Variants in FAM13A observed in about 807,000 individuals in gnomAD.
FAM13A encodes the protein family with sequence similarity 13 member A, also known as protein FAM13A.
Under a neutral mutation model 129.6 loss-of-function variants are expected in FAM13A, and 76 were observed. The ratio of observed to expected loss-of-function variants is 0.59; its 90% CI spans 0.49 to 0.71. FAM13A has a LOEUF of 0.71. FAM13A is among the 30% of genes least tolerant of loss of function. The pLI, the probability that FAM13A is intolerant of heterozygous loss-of-function variation, is 0.00. For missense variants in FAM13A, 1,108 were observed against 1,249.3 expected, an observed-to-expected ratio of 0.89 and a Z score of 1.70; for synonymous variants, 443 against 449.9, an observed-to-expected ratio of 0.98 and a Z score of 0.20.
At chr4:88,815,531 G>A (rs1730556481) in intron 7 of FAM13A, among the ~76,000 whole-genome samples, 1 of 152,028 alleles carries the variant, frequency 6.6e-6, no homozygotes, top group Non-Finnish European at 1.5e-5. Context: ...TTAAAATGAT[G>A]GTTTAAAATT....
At chr4:89,037,123 C>T (rs1769489246) in intron 1 of FAM13A, among the ~76,000 whole-genome samples, 1 of 152,168 alleles carries the variant, frequency 6.6e-6, no homozygotes, top group African/African-American at 2.4e-5. Flanking sequence ...TCTTCCAAGA[C>T]CCAGAATGGT....
At chr4:88,858,688 G>T (rs1048379839) in intron 6 of FAM13A, among the ~76,000 whole-genome samples, 2 of 152,170 alleles carry the variant, frequency 1.3e-5, no homozygotes, top group African/African-American at 4.8e-5. Flanking sequence ...TCTAGAACAC[G>T]CAAATCCAGA....
intron 23 of FAM13A, chr4:88,729,883 ACAT>A (rs1737276599): frequency 1.3e-5 from 2 of 152,322 alleles, no homozygotes; most frequent in African/African-American, 4.8e-5. Flanking sequence ...ACACGTCAAA[ACAT>A]TAATTCTGAC....
intron 4 of FAM13A, among the ~76,000 whole-genome samples, chr4:88,978,270 A>T (rs1761167282): frequency 6.6e-6 from 1 of 152,194 alleles, no homozygotes; most frequent in Non-Finnish European, 1.5e-5. Flanking sequence ...TACTTTCTAC[A>T]CTTCAGTTTT....
chr4:88,762,794 G>A lies in FAM13A; in HGVS notation c.1579-3893C>T, dbSNP rs191070364. Among the ~76,000 whole-genome samples, 357 of 151,744 alleles carry A rather than the reference G, an allele frequency of 2.4e-3. 2 individuals carry two copies. Among genetic ancestry groups the A allele is most frequent in the African/African-American group, 8.3e-3 (345 of 41,366 alleles). On this transcript the variant is annotated intron_variant, in intron 13 of 23. Transcript: ENST00000264344. ...TCTGTTTCTCCTACTAGATCATTAA[G>A]GTTAAAATGTCAAAAGCATTCTCAA...
chr4:88,738,976 G>A, intron 20 of FAM13A, 54 bp downstream of exon 20: 2 of 1,118,558 alleles, frequency 1.8e-6, no homozygotes, highest in Non-Finnish European at 2.7e-6. Flanking sequence ...ATATATCCAG[G>A]GCCCATTCAA....
In FAM13A at chr4:88,779,374, G is replaced by A. The variant is rs116796385; in HGVS notation, c.1458+1791C>T. On this transcript the variant is annotated intron_variant, in intron 11 of 23. Transcript: ENST00000264344. ...TAAGGGGGAAGTGAAGATACACAAC[G>A]TAACATTCAGGATGTCGTCTTAATA... Among the ~76,000 whole-genome samples the A allele has an allele frequency of 1.6e-4, 25 of 152,258 alleles. 1 individual carries two copies. The East Asian group carries it at 4.6e-3, about 28-fold the overall frequency.
At chr4:88,812,532 C>A (rs1007168145) in intron 7 of FAM13A, among the ~76,000 whole-genome samples, 7 of 152,168 alleles carry the variant, frequency 4.6e-5, no homozygotes, top group Non-Finnish European at 1.0e-4. Context: ...GTTCTTTCTA[C>A]CTTAAATCCT....
At chr4:88,960,498 A>T (rs1447239948) in intron 4 of FAM13A, among the ~76,000 whole-genome samples, 2 of 152,222 alleles carry the variant, frequency 1.3e-5, no homozygotes, top group African/African-American at 4.8e-5. Context: ...CTTCAGTATC[A>T]TCTCCTTCAA....
rs988176287 is a variant in FAM13A at position 88,726,947 on chromosome 4, G to A, written c.*1586C>T. On this transcript the variant is annotated 3_prime_UTR_variant, in exon 24 of 24. Transcript: ENST00000264344. ...CATCCTTAACATTCAGCTGACAGAA[G>A]AGAGCTGCTACCTCACTTCAGCAAT... is the stretch of plus-strand genomic sequence containing the variant. 6.6e-6 allele frequency: 1 copy of A among 152,510 alleles called. No homozygotes were observed. The highest frequency in any genetic ancestry group is 1.9e-4 in the East Asian group (1 of 5,198). 9.4% of individuals were successfully genotyped at this position (152,510 alleles called of 1,614,324 possible).
chr4:88,948,785 GC>G (rs1409712700), intron 4 of FAM13A, among the ~76,000 whole-genome samples: 5 of 152,122 alleles, frequency 3.3e-5, no homozygotes, highest in Non-Finnish European at 7.4e-5. Flanking sequence ...CACCGTGCCA[GC>G]CTGGGCTATA....
At chr4:88,757,598 T>C (rs1294448287) in intron 14 of FAM13A, among the ~76,000 whole-genome samples, 4 of 152,212 alleles carry the variant, frequency 2.6e-5, no homozygotes, top group Admixed American at 2.6e-4. Context: ...AGTGAATACA[T>C]TTTGAGCTGA....
rs894986721 is a variant in FAM13A at position 88,786,303 on chromosome 4, G to A, written c.1271+1450C>T. Reference sequence around the variant, plus strand: ...GTCCAAACAAAGAGGGTGGAAAGCAGGATATCGTGACACACTGAGGATATT... The same window carrying A: ...GTCCAAACAAAGAGGGTGGAAAGCAAGATATCGTGACACACTGAGGATATT... On this transcript the variant is annotated intron_variant, in intron 10 of 23. Coordinates refer to ENST00000264344, the MANE Select transcript of FAM13A (RefSeq NM_014883.4). Among the ~76,000 whole-genome samples the A allele has an allele frequency of 3.2e-4, 48 of 152,246 alleles. 1 individual carries two copies. Among genetic ancestry groups the A allele is most frequent in the South Asian group, 1.5e-3 (7 of 4,818 alleles).
intron 3 of FAM13A, among the ~76,000 whole-genome samples, chr4:89,011,481 G>A (rs1001266029): frequency 2.1e-4 from 32 of 152,158 alleles, no homozygotes; most frequent in Admixed American, 2.1e-3. Context: ...CTCTCTGCAT[G>A]TAGCATCTTC....
intron 18 of FAM13A, 28 bp from the exon 19 acceptor site, chr4:88,747,043 A>T: frequency 6.9e-7 from 1 of 1,445,658 alleles, no homozygotes; most frequent in Non-Finnish European, 9.7e-7. Flanking sequence ...TAGAGAATTG[A>T]AAGAGAGGAA....
At chr4:88,779,690 TC>T (rs1722485898) in intron 11 of FAM13A, among the ~76,000 whole-genome samples, 4 of 152,192 alleles carry the variant, frequency 2.6e-5, no homozygotes, top group Admixed American at 2.0e-4. Flanking sequence ...ATTAGGATCT[TC>T]CATCCCAGTG....
At chr4:88,769,808 C>T (rs970486992) in intron 11 of FAM13A, among the ~76,000 whole-genome samples, 44 of 150,562 alleles carry the variant, frequency 2.9e-4, no homozygotes, top group African/African-American at 7.8e-4. Context: ...TCCAGCCTGG[C>T]GACAGAGCGA....
intron 14 of FAM13A, among the ~76,000 whole-genome samples, chr4:88,756,809 T>C (rs1489753382): frequency 6.6e-6 from 1 of 152,138 alleles, no homozygotes; most frequent in African/African-American, 2.4e-5. Flanking sequence ...ATAATGTAAC[T>C]TGGAAAGTTA....
intron 13 of FAM13A, among the ~76,000 whole-genome samples, chr4:88,766,209 T>C (rs1745683181): frequency 6.6e-6 from 1 of 151,620 alleles, no homozygotes; most frequent in African/African-American, 2.4e-5. Context: ...AGGAGAAGAG[T>C]AGGTGCTTGC....
Sources: allele counts gnomAD v4.1 joint callset (sites outside exome capture counted in the v4.1 genomes callset), GRCh38; gene constraint gnomAD v4.1.1; transcripts MANE v1.5; gene names NCBI Gene and HGNC (gene_info 2026-07-23, HGNC 2026-07-21).